Variants in ADAMTSL1 observed in about 807,000 individuals in gnomAD.
ADAMTSL1 encodes the protein ADAMTS like 1, also known as ADAMTS-like protein 1.
ADAMTSL1 carries 126 observed loss-of-function variants against 201.8 expected under a neutral mutation model. That is an observed-to-expected ratio of 0.62 (90% CI 0.54 to 0.72). The LOEUF (loss-of-function observed/expected upper bound fraction) is 0.72, where lower values mean the gene tolerates loss of function less well. ADAMTSL1 is among the 30% of genes least tolerant of loss of function. The pLI, the probability that ADAMTSL1 is intolerant of heterozygous loss-of-function variation, is 0.00. For missense variants in ADAMTSL1, 2,679 were observed against 2,277.8 expected, an observed-to-expected ratio of 1.18 and a Z score of -3.59; for synonymous variants, 1,121 against 903.4, an observed-to-expected ratio of 1.24 and a Z score of -4.32.
chr9:18,691,536 T>C (rs1831214570), intron 13 of ADAMTSL1, among the ~76,000 whole-genome samples: 1 of 152,192 alleles, frequency 6.6e-6, no homozygotes, highest in Admixed American at 6.5e-5. Flanking sequence ...CTAAAATTGA[T>C]TTTTTTCAGA....
intron 1 of ADAMTSL1, among the ~76,000 whole-genome samples, chr9:18,141,974 G>C (rs1214028397): frequency 1.3e-5 from 2 of 152,216 alleles, no homozygotes; most frequent in East Asian, 3.8e-4. Flanking sequence ...GCCAGGTTCA[G>C]TGAAACTTTA....
chr9:18,596,160 A>C (rs1161227639), intron 4 of ADAMTSL1, among the ~76,000 whole-genome samples: 1 of 152,196 alleles, frequency 6.6e-6, no homozygotes, highest in Non-Finnish European at 1.5e-5. Context: ...AGTGGGTTCA[A>C]TCAATTTTTA....
At chr9:18,489,705 G>T (rs1563992113) in intron 1 of ADAMTSL1, among the ~76,000 whole-genome samples, 1 of 152,098 alleles carries the variant, frequency 6.6e-6, no homozygotes, top group Non-Finnish European at 1.5e-5. Flanking sequence ...GATGGCCATT[G>T]TGTGAGATTA....
intron 1 of ADAMTSL1, among the ~76,000 whole-genome samples, chr9:17,932,175 C>A (rs1308613096): frequency 6.6e-6 from 1 of 152,202 alleles, no homozygotes; most frequent in Admixed American, 6.5e-5. Flanking sequence ...TCTCAGCCAA[C>A]CATGGGCTCA....
chr9:18,715,945 T>C (rs926477538), intron 14 of ADAMTSL1, among the ~76,000 whole-genome samples: 1 of 151,470 alleles, frequency 6.6e-6, no homozygotes, highest in Non-Finnish European at 1.5e-5. Context: ...TATCTACAAC[T>C]ATCTGATCTT....
intron 2 of ADAMTSL1, among the ~76,000 whole-genome samples, chr9:18,322,806 A>G (rs2132861942): frequency 6.6e-6 from 1 of 152,370 alleles, no homozygotes; most frequent in South Asian, 2.1e-4. Flanking sequence ...CTTTATGCCA[A>G]TAAATATAGC....
intron 16 of ADAMTSL1, among the ~76,000 whole-genome samples, chr9:18,768,345 C>A (rs1820482354): frequency 6.6e-6 from 1 of 152,024 alleles, no homozygotes; most frequent in Non-Finnish European, 1.5e-5. Context: ...CCAGCTGCGT[C>A]CAGAGCATGG....
intron 1 of ADAMTSL1, among the ~76,000 whole-genome samples, chr9:17,992,808 C>T (rs1819214832): frequency 6.6e-6 from 1 of 152,142 alleles, no homozygotes; most frequent in Non-Finnish European, 1.5e-5. Flanking sequence ...ACTGAGAGGT[C>T]ATACAACTAG....
intron 2 of ADAMTSL1, among the ~76,000 whole-genome samples, chr9:18,216,967 C>T (rs1482482668): frequency 6.6e-6 from 1 of 151,960 alleles, no homozygotes; most frequent in Non-Finnish European, 1.5e-5. Flanking sequence ...TATTTGTACC[C>T]TCCCCTCCAT....
intron 15 of ADAMTSL1, among the ~76,000 whole-genome samples, chr9:18,733,706 A>T (rs1392685086): frequency 7.5e-6 from 1 of 133,206 alleles, no homozygotes; most frequent in Admixed American, 8.7e-5. Flanking sequence ...CCCAGTGCAA[A>T]CCTGGGTCCT....
intron 1 of ADAMTSL1, among the ~76,000 whole-genome samples, chr9:17,975,610 A>G (rs1428091267): frequency 1.3e-5 from 2 of 152,032 alleles, no homozygotes; most frequent in South Asian, 2.1e-4. Context: ...CATAGCAGAC[A>G]CTAACCTCTT....
chr9:18,313,350 A>G (rs547754859), intron 2 of ADAMTSL1, among the ~76,000 whole-genome samples: 2 of 152,308 alleles, frequency 1.3e-5, no homozygotes, highest in Admixed American at 6.5e-5. Context: ...ACTGGGAAAA[A>G]TGCTGTTACC....
At chr9:18,392,025 CAT>C (rs1282482297) in intron 2 of ADAMTSL1, among the ~76,000 whole-genome samples, 45 of 151,852 alleles carry the variant, frequency 3.0e-4, no homozygotes, top group African/African-American at 1.0e-3. Context: ...GGGGTTTCAC[CAT>C]GTTAGCCAGG....
intron 2 of ADAMTSL1, among the ~76,000 whole-genome samples, chr9:18,447,372 AG>A (rs1017813168): frequency 2.0e-5 from 3 of 152,112 alleles, no homozygotes; most frequent in African/African-American, 7.2e-5. Flanking sequence ...TTTTGTAGAA[AG>A]GGGAAAGTGT....
chr9:18,154,090 A>G (rs1827040652), intron 1 of ADAMTSL1, among the ~76,000 whole-genome samples: 1 of 151,892 alleles, frequency 6.6e-6, no homozygotes, highest in South Asian at 2.1e-4. Flanking sequence ...TTAAAATCCC[A>G]TTTTTCAACA....
chr9:18,128,832 T>A (rs1405741970), intron 1 of ADAMTSL1, among the ~76,000 whole-genome samples: 1 of 152,118 alleles, frequency 6.6e-6, no homozygotes, highest in Non-Finnish European at 1.5e-5. Context: ...ACATAACCCT[T>A]ATAAACAATA....
At chr9:18,308,444 C>A (rs748163156) in intron 2 of ADAMTSL1, among the ~76,000 whole-genome samples, 6 of 151,672 alleles carry the variant, frequency 4.0e-5, no homozygotes, top group African/African-American at 9.7e-5. Context: ...GACCACTGGC[C>A]AGACTACTAA....
In ADAMTSL1 at chr9:18,457,102, C is replaced by T. The variant is rs1476271557; in HGVS notation, c.208-47727C>T. Among the ~76,000 whole-genome samples the T allele has an allele frequency of 2.6e-5, 4 of 152,156 alleles. No homozygotes were observed. In the East Asian group the frequency reaches 7.7e-4, roughly 29 times the overall value. On this transcript the variant is annotated intron_variant, in intron 2 of 29. Transcript: ENST00000680146. ...CACCCCACATTTCAAAATCTTTAAACTCCACACACAGTGAAAAACTACTTT... is the reference window on the plus strand; with the variant it reads ...CACCCCACATTTCAAAATCTTTAAATTCCACACACAGTGAAAAACTACTTT...
At chr9:18,292,612 A>G (rs1366926458) in intron 2 of ADAMTSL1, among the ~76,000 whole-genome samples, 1 of 152,154 alleles carries the variant, frequency 6.6e-6, no homozygotes, top group African/African-American at 2.4e-5. Flanking sequence ...GCAGGAGAAG[A>G]TGGAAGAGCA....
Sources: allele counts gnomAD v4.1 joint callset (sites outside exome capture counted in the v4.1 genomes callset), GRCh38; gene constraint gnomAD v4.1.1; transcripts MANE v1.5; gene names NCBI Gene and HGNC (gene_info 2026-07-23, HGNC 2026-07-21).